Variants in DPYD observed in about 807,000 individuals in gnomAD.
DPYD encodes the protein dihydropyrimidine dehydrogenase [NADP(+)].
In DPYD, 109 loss-of-function variants were observed where a neutral mutation model predicts 116.2. The ratio of observed to expected loss-of-function variants is 0.94; its 90% CI spans 0.80 to 1.10. DPYD has a LOEUF of 1.10. Among genes scored for constraint, DPYD ranks in the 50% least tolerant of loss-of-function variants. DPYD has a pLI of 0.00. For synonymous variants in DPYD, 440 were observed against 432.0 expected, an observed-to-expected ratio of 1.02 and a Z score of -0.23; for missense variants, 1,302 against 1,254.5, an observed-to-expected ratio of 1.04 and a Z score of -0.57.
intron 4 of DPYD, among the ~76,000 whole-genome samples, chr1:97,727,101 GA>G (rs1297442956): frequency 1.1e-4 from 17 of 151,050 alleles, no homozygotes; most frequent in Admixed American, 9.3e-4. Context: ...TTATTTTTTT[GA>G]AAAAAACAAG....
At chr1:97,504,255 T>C (rs562727074) in intron 13 of DPYD, among the ~76,000 whole-genome samples, 21 of 152,094 alleles carry the variant, frequency 1.4e-4, no homozygotes, top group Admixed American at 1.2e-3. Context: ...GTATACAGTG[T>C]CCCACTCTGC....
intron 20 of DPYD, among the ~76,000 whole-genome samples, chr1:97,157,751 A>G (rs1184929744): frequency 6.6e-5 from 10 of 152,114 alleles, no homozygotes; most frequent in Admixed American, 6.6e-4. Context: ...TGATGGATAT[A>G]TTTTCAAGTT....
At chr1:97,340,743 ATCAG>A (rs1256079623) in intron 16 of DPYD, among the ~76,000 whole-genome samples, 3 of 152,318 alleles carry the variant, frequency 2.0e-5, no homozygotes, top group South Asian at 4.1e-4. Context: ...ATTTTGACTG[ATCAG>A]TCAGATTGAA....
At chr1:97,549,071 AT>A (rs554044934) in intron 12 of DPYD, among the ~76,000 whole-genome samples, 235 of 145,136 alleles carry the variant, frequency 1.6e-3, no homozygotes, top group Middle Eastern at 3.5e-3. Flanking sequence ...TTTCTTTCTT[AT>A]TTTTTTTTTT....
chr1:97,878,033 A>G (rs1437572539), intron 2 of DPYD, among the ~76,000 whole-genome samples: 2 of 152,008 alleles, frequency 1.3e-5, no homozygotes, highest in African/African-American at 4.8e-5. Flanking sequence ...TTAGAAAAAC[A>G]TATTAATCTA....
chr1:97,879,528 T>C (rs1374679593), intron 2 of DPYD, among the ~76,000 whole-genome samples: 4 of 152,052 alleles, frequency 2.6e-5, no homozygotes, highest in Non-Finnish European at 1.5e-5. Context: ...ACAGCAGTTA[T>C]GGAACACCTG....
intron 14 of DPYD, among the ~76,000 whole-genome samples, chr1:97,438,106 C>A (rs1430102598): frequency 1.3e-5 from 2 of 151,978 alleles, no homozygotes; most frequent in African/African-American, 4.8e-5. Flanking sequence ...TATCTTTATG[C>A]CAACACCAGA....
intron 20 of DPYD, among the ~76,000 whole-genome samples, chr1:97,147,144 T>G (rs1570548602): frequency 6.6e-6 from 1 of 152,274 alleles, no homozygotes; most frequent in South Asian, 2.1e-4. Flanking sequence ...GGTCAAGAGA[T>G]GGAGACCATC....
intron 13 of DPYD, among the ~76,000 whole-genome samples, chr1:97,471,981 G>T (rs1472586344): frequency 6.6e-6 from 1 of 152,150 alleles, no homozygotes; most frequent in Non-Finnish European, 1.5e-5. Context: ...AAAAGAGACA[G>T]GTTTAGAGAC....
rs1184134140 is a variant in DPYD, at chr1:97,450,092, A to T, written c.1872T>A (p.Ser624Arg). Residue 624 changes from serine (S) to arginine (R), a missense_variant, in exon 14 of 23, where the codon AGT becomes AGA. Transcript: ENST00000370192. ...GAAAGTCAGCCTTTAGTTCAGTGAC[A>T]CTTTGACACCAATATGCAGCCGTTT... is the stretch of plus-strand genomic sequence containing the variant. The part of the protein sequence containing the change: ...SEKTAAYWCQ[S>R]VTELKADFPD... 6.2e-7 allele frequency: 1 copy of T among 1,613,988 alleles called. No individual in the cohort carries two copies. Among genetic ancestry groups the T allele is most frequent in the Non-Finnish European group, 8.5e-7 (1 of 1,179,910 alleles).
intron 3 of DPYD, among the ~76,000 whole-genome samples, chr1:97,821,745 T>C (rs1463838742): frequency 6.6e-6 from 1 of 152,170 alleles, no homozygotes; most frequent in Non-Finnish European, 1.5e-5. Flanking sequence ...TCCATTGAAT[T>C]CCATTATTTA....
At chr1:97,447,306 T>G (rs930299804) in intron 14 of DPYD, among the ~76,000 whole-genome samples, 1 of 151,966 alleles carries the variant, frequency 6.6e-6, no homozygotes, top group Non-Finnish European at 1.5e-5. Context: ...CCAGCAAGAG[T>G]GATAATTAAA....
chr1:97,175,439 C>T lies in DPYD; in HGVS notation c.2622+17630G>A, dbSNP rs200834528. Among the ~76,000 whole-genome samples the T allele has an allele frequency of 1.4e-4, 21 of 152,294 alleles. No individual in the cohort carries two copies. The East Asian group carries it at 3.5e-3, about 25-fold the overall frequency. ...GTGATGACATATAAGTTGATTATGA[C>T]AACAGATGCATCTGCCAAAACATTT... On this transcript the variant is annotated intron_variant, in intron 20 of 22. Transcript: ENST00000370192.
chr1:97,691,145 C>T (rs1157964209), intron 7 of DPYD: 1 of 152,682 alleles, frequency 6.5e-6, no homozygotes. Flanking sequence ...ATATTTAAAG[C>T]TATATGCTGA....
At chr1:97,559,801 A>G (rs75280548) in intron 11 of DPYD, among the ~76,000 whole-genome samples, 2,143 of 152,342 alleles carry the variant, frequency 0.014, 24 homozygotes, top group Middle Eastern at 0.027. Flanking sequence ...ATGCACTCAA[A>G]AAATATCAAC....
intron 18 of DPYD, among the ~76,000 whole-genome samples, chr1:97,266,364 A>G (rs1427096693): frequency 6.6e-6 from 1 of 152,164 alleles, no homozygotes; most frequent in Non-Finnish European, 1.5e-5. Context: ...GAGAGGGTAC[A>G]AGGACATCAA....
At chr1:97,732,687 A>C (rs1663696686) in intron 4 of DPYD, among the ~76,000 whole-genome samples, 1 of 152,064 alleles carries the variant, frequency 6.6e-6, no homozygotes, top group Non-Finnish European at 1.5e-5. Context: ...GTATTCCACA[A>C]TTTGCCAGAT....
At chr1:97,181,893 T>C (rs1657672895) in intron 20 of DPYD, among the ~76,000 whole-genome samples, 1 of 152,172 alleles carries the variant, frequency 6.6e-6, no homozygotes, top group African/African-American at 2.4e-5. Flanking sequence ...CTCTTTTTTA[T>C]CACAGAAGAC....
At chr1:97,303,823 T>C (rs1667001043) in intron 18 of DPYD, among the ~76,000 whole-genome samples, 1 of 151,996 alleles carries the variant, frequency 6.6e-6, no homozygotes, top group African/African-American at 2.4e-5. Flanking sequence ...CCCAAGTGAA[T>C]ATTTATATAT....
Sources: gnomAD v4.1 joint callset for allele counts (sites outside exome capture counted in the v4.1 genomes callset) on GRCh38, gnomAD v4.1.1 for gene constraint, MANE v1.5 for transcripts, NCBI Gene and HGNC (gene_info 2026-07-23, HGNC 2026-07-21) for gene names.